The following PRKN variants were observed in gnomAD, a reference collection of about 807,000 sequenced individuals.
PRKN encodes the protein parkin RBR E3 ubiquitin protein ligase.
PRKN carries 56 observed loss-of-function variants against 59.5 expected under a neutral mutation model. The observed-to-expected ratio is 0.94, with a 90% confidence interval of 0.76 to 1.18. PRKN has a LOEUF of 1.18. PRKN is among the 50% of genes most tolerant of loss of function. PRKN has a pLI of 0.00. For synonymous variants in PRKN, 250 were observed against 222.1 expected (o/e 1.13, Z -1.12); for missense variants, 657 against 596.4 (o/e 1.10, Z -1.06).
intron 9 of PRKN, among the ~76,000 whole-genome samples, chr6:161,424,935 G>A (rs958979611): frequency 6.6e-6 from 1 of 152,086 alleles, no homozygotes; most frequent in Non-Finnish European, 1.5e-5. Flanking sequence ...CTGAAAAGTT[G>A]GACTGTACTG....
chr6:162,011,907 T>G (rs1782737379), intron 5 of PRKN, among the ~76,000 whole-genome samples: 1 of 6,890 alleles, frequency 1.5e-4, no homozygotes, highest in Non-Finnish European at 2.3e-4. Context: ...GTGAGAACTT[T>G]GGAGAAATAA....
intron 7 of PRKN, among the ~76,000 whole-genome samples, chr6:161,617,812 A>G (rs1782751840): frequency 6.6e-6 from 1 of 152,260 alleles, no homozygotes; most frequent in African/African-American, 2.4e-5. Flanking sequence ...TTACAATCCC[A>G]GGAAGCCAGT....
In PRKN at chr6:161,445,753, C is replaced by T. The variant is rs1789455587; in HGVS notation, c.1084-58876G>A. ...TGACTGCACAGAGTGATGAGCTGGG[C>T]CCACTTTCCTGCTATTGGCCGCCAG... On this transcript the variant is annotated intron_variant, in intron 9 of 11. Coordinates refer to ENST00000366898, the MANE Select transcript of PRKN (RefSeq NM_004562.3). This position sits in a 1 kb window ranked among gnomAD's most constrained non-coding sequence, Gnocchi z 7.7. 6.6e-6 allele frequency among the ~76,000 whole-genome samples: 1 copy of T among 152,138 alleles called. No individual in the cohort carries two copies. Among genetic ancestry groups the T allele is most frequent in the South Asian group, 2.1e-4 (1 of 4,818 alleles).
At position 161,459,744 on chromosome 6, in the gene PRKN, A is replaced by G. The variant is rs987263089; in HGVS notation, c.1084-72867T>C. Among the ~76,000 whole-genome samples the G allele has an allele frequency of 6.6e-6, 1 of 152,124 alleles. No homozygotes were observed. The highest frequency in any genetic ancestry group is 2.4e-5 in the African/African-American group (1 of 41,408). On this transcript the variant is annotated intron_variant, in intron 9 of 11. Transcript: ENST00000366898. The surrounding 1 kb of genome is among the most constrained non-coding windows in gnomAD (Gnocchi z 4.8). ...ACTAGCTAACTGGTGCCACCATAACATTTGCTATAATTATAACAGTTCAGT... is the reference window on the plus strand; with the variant it reads ...ACTAGCTAACTGGTGCCACCATAACGTTTGCTATAATTATAACAGTTCAGT...
At chr6:162,567,973 C>A (rs546124036) in intron 1 of PRKN, among the ~76,000 whole-genome samples, 1 of 152,260 alleles carries the variant, frequency 6.6e-6, no homozygotes, top group African/African-American at 2.4e-5. Flanking sequence ...ACACCTACAG[C>A]AAACTCATTT....
chr6:162,390,396 T>TATATATATATATAC (rs1180636201), intron 2 of PRKN, among the ~76,000 whole-genome samples: 8 of 84,114 alleles, frequency 9.5e-5, no homozygotes, highest in East Asian at 3.2e-4. Context: ...TATATATATA[T>TATATATATATATAC]ACACACACAC....
At chr6:162,163,707 T>A (rs1228596297) in intron 4 of PRKN, among the ~76,000 whole-genome samples, 1 of 149,174 alleles carries the variant, frequency 6.7e-6, no homozygotes, top group Non-Finnish European at 1.5e-5. Context: ...GATGCCTCTA[T>A]AAAGCAAAGT....
intron 1 of PRKN, among the ~76,000 whole-genome samples, chr6:162,648,621 ATCCACCCGCC>A (rs750670431): frequency 1.3e-4 from 20 of 152,072 alleles, no homozygotes; most frequent in Non-Finnish European, 2.4e-4. Flanking sequence ...ACCTCAAGTG[ATCCACCCGCC>A]TCAGCCTCCC....
At chr6:162,351,410 C>T (rs960216480) in intron 2 of PRKN, among the ~76,000 whole-genome samples, 1 of 152,062 alleles carries the variant, frequency 6.6e-6, no homozygotes, top group Non-Finnish European at 1.5e-5. Flanking sequence ...AAATTGAATA[C>T]CTTTTAATTA....
intron 1 of PRKN, among the ~76,000 whole-genome samples, chr6:162,459,901 C>T (rs1014173292): frequency 6.6e-6 from 1 of 152,196 alleles, no homozygotes; most frequent in Non-Finnish European, 1.5e-5. Flanking sequence ...GGTGGAATCT[C>T]ACACACTGCA....
intron 3 of PRKN, among the ~76,000 whole-genome samples, chr6:162,210,207 A>G (rs1253721218): frequency 6.6e-6 from 1 of 152,136 alleles, no homozygotes; most frequent in Non-Finnish European, 1.5e-5. Flanking sequence ...TTGGGAAATC[A>G]GCTGGCCCTC....
intron 9 of PRKN, among the ~76,000 whole-genome samples, chr6:161,436,302 C>CCGGGAGGGGAGGGCAGAGAGGGGGAGG (rs1788904348): frequency 4.7e-5 from 1 of 21,292 alleles, no homozygotes; most frequent in Non-Finnish European, 9.4e-5. Context: ...AGAGCAGGGG[C>CCGGGAGGGGAGGGCAGAGAGGGGGAGG]CGGGATGGGA....
intron 1 of PRKN, among the ~76,000 whole-genome samples, chr6:162,647,949 CAAAAAAAAAAAA>C (rs398003250): frequency 1.3e-5 from 1 of 75,650 alleles, no homozygotes; most frequent in Non-Finnish European, 2.4e-5. Flanking sequence ...GTCCACAGTG[CAAAAAAAAAAAA>C]AAAAAAAAAA....
chr6:162,594,505 T>C (rs1344625435), intron 1 of PRKN, among the ~76,000 whole-genome samples: 6 of 152,214 alleles, frequency 3.9e-5, no homozygotes, highest in Non-Finnish European at 8.8e-5. Context: ...TTGGATTTTA[T>C]TGTAATATAT....
chr6:162,344,550 A>G (rs9365406), intron 2 of PRKN, among the ~76,000 whole-genome samples: 56,687 of 151,544 alleles, frequency 0.37, 10,866 homozygotes, highest in African/African-American at 0.39. Context: ...CACTGCCCTC[A>G]CAGCTGGGTC....
intron 7 of PRKN, among the ~76,000 whole-genome samples, chr6:161,771,651 G>A (rs1789699629): frequency 6.6e-6 from 1 of 152,090 alleles, no homozygotes; most frequent in African/African-American, 2.4e-5. Flanking sequence ...CCAAACACTC[G>A]AGTAGAATCA....
chr6:162,427,664 T>C (rs1022871217), intron 2 of PRKN, among the ~76,000 whole-genome samples: 10 of 151,742 alleles, frequency 6.6e-5, no homozygotes, highest in Non-Finnish European at 1.5e-4. Context: ...CTTTTTTTTT[T>C]TGATGGAGTC....
chr6:162,069,494 T>C (rs1388004932), intron 4 of PRKN, among the ~76,000 whole-genome samples: 1 of 152,220 alleles, frequency 6.6e-6, no homozygotes, highest in South Asian at 2.1e-4. Flanking sequence ...TATTCTGGCA[T>C]GTTAAACTTT....
At chr6:162,269,250 T>C (rs573145696) in intron 2 of PRKN, among the ~76,000 whole-genome samples, 39 of 152,230 alleles carry the variant, frequency 2.6e-4, no homozygotes, top group African/African-American at 8.4e-4. Context: ...ATACCGTCTT[T>C]AAGAAAAAAT....
Sources: gnomAD v4.1 joint callset for allele counts (sites outside exome capture counted in the v4.1 genomes callset) on GRCh38, gnomAD v4.1.1 for gene constraint, Gnocchi (gnomAD v3.1) non-coding constraint, MANE v1.5 for transcripts, NCBI Gene and HGNC (gene_info 2026-07-23, HGNC 2026-07-21) for gene names.